The following PRIM2 variants were observed in gnomAD, a reference collection of about 807,000 sequenced individuals.
PRIM2 encodes DNA primase large subunit.
Under a neutral mutation model 67.3 loss-of-function variants are expected in PRIM2, and 39 were observed. The ratio of observed to expected loss-of-function variants is 0.58; its 90% confidence interval spans 0.45 to 0.76. The LOEUF (loss-of-function observed/expected upper bound fraction) is 0.76. Among genes scored for constraint, PRIM2 ranks in the 30% least tolerant of loss-of-function variants. The pLI is 0.00. For missense variants in PRIM2, 398 were observed against 598.7 expected (o/e 0.66, Z 3.50); for synonymous variants, 143 against 198.7 (o/e 0.72, Z 2.36).
intron 7 of PRIM2, among the ~76,000 whole-genome samples, chr6:57,504,909 A>G (rs1467792429): frequency 6.6e-6 from 1 of 152,228 alleles, no homozygotes; most frequent in Non-Finnish European, 1.5e-5. Context: ...AAACATAGAC[A>G]TATACTTTCA....
intron 5 of PRIM2, among the ~76,000 whole-genome samples, chr6:57,338,273 A>T (rs1283492759): frequency 6.6e-6 from 1 of 152,196 alleles, no homozygotes; most frequent in Non-Finnish European, 1.5e-5. Context: ...GAATTCTACC[A>T]GAGGTACAAG....
the PRIM2 span, among the ~76,000 whole-genome samples, chr6:57,253,719 C>G: frequency 6.6e-6 from 1 of 152,146 alleles, no homozygotes; most frequent in Non-Finnish European, 1.5e-5. Flanking sequence ...ATTCTCTGGT[C>G]TCTAGTTTCT....
intron 13 of PRIM2, among the ~76,000 whole-genome samples, chr6:57,636,196 G>A (rs1777118546): frequency 2.0e-5 from 3 of 151,914 alleles, no homozygotes; most frequent in South Asian, 2.1e-4. Flanking sequence ...AAGAAAACAG[G>A]CAAGGAAAGA....
In PRIM2 at chr6:57,382,156, C is replaced by T; in HGVS notation, c.681C>T (p.Ser227=). The T allele has an allele frequency of 1.2e-6, 2 of 1,612,920 alleles. No individual in the cohort carries two copies. The highest frequency in any genetic ancestry group is 1.7e-6 in the Non-Finnish European group (2 of 1,179,282). ...IILNEFRAKL[S]KALALTARSL... ...TGAATGAATTTAGAGCCAAACTGTC[C>T]AAGGCTTTGGCAGTGAGTATTTTAC... Residue 227 remains serine, a synonymous_variant, in exon 7 of 14, where the codon TCC becomes TCT. Transcript: ENST00000615550.
Position 57,623,373 on chromosome 6 carries a change from G to A in PRIM2, c.1231-8760G>A, listed in dbSNP as rs1466770388. On this transcript the variant is annotated intron_variant, in intron 12 of 13. Coordinates refer to ENST00000615550, the MANE Select transcript of PRIM2 (RefSeq NM_000947.5). ...GGTTCAAAGAAAAATCACTTTGAAA[G>A]TCAAGTAACATATGTTATTGTTAGC... is the stretch of plus-strand genomic sequence containing the variant. Among the ~76,000 whole-genome samples the A allele has an allele frequency of 2.6e-5, 4 of 152,234 alleles. No homozygotes were observed. In the East Asian group the frequency reaches 7.7e-4, roughly 29 times the overall value.
intron 10 of PRIM2, among the ~76,000 whole-genome samples, chr6:57,563,623 A>ACT (rs1267854037): frequency 6.6e-6 from 1 of 152,152 alleles, no homozygotes; most frequent in East Asian, 1.9e-4. Context: ...ACTTTATCTG[A>ACT]CTTGTATATG....
chr6:57,634,501 C>T (rs1329691395), intron 13 of PRIM2, among the ~76,000 whole-genome samples: 26 of 152,264 alleles, frequency 1.7e-4, no homozygotes, highest in African/African-American at 5.8e-4. Flanking sequence ...TTATATGACT[C>T]GCTCTCTCGG....
At chr6:57,256,938 C>T in the PRIM2 span, among the ~76,000 whole-genome samples, 1 of 152,190 alleles carries the variant, frequency 6.6e-6, no homozygotes, top group Non-Finnish European at 1.5e-5. Context: ...TTAGCCACAA[C>T]CCTTTAGTTT....
At chr6:57,464,609 T>C (rs1416835226) in intron 7 of PRIM2, among the ~76,000 whole-genome samples, 3 of 152,152 alleles carry the variant, frequency 2.0e-5, no homozygotes, top group Non-Finnish European at 4.4e-5. Flanking sequence ...ACTCAGTGAC[T>C]GGAACCTAAT....
intron 7 of PRIM2, among the ~76,000 whole-genome samples, chr6:57,452,925 C>G (rs1280478728): frequency 1.3e-5 from 2 of 152,140 alleles, no homozygotes; most frequent in African/African-American, 4.8e-5. Flanking sequence ...TTAGGTCTAA[C>G]ATTTAAGTCT....
chr6:57,493,764 A>C (rs1219119684), intron 7 of PRIM2: 1 of 152,198 alleles, frequency 6.6e-6, no homozygotes. Flanking sequence ...GGCTGCTTCA[A>C]AATAATACTA....
intron 8 of PRIM2, among the ~76,000 whole-genome samples, chr6:57,532,100 T>A (rs1774904126): frequency 6.6e-6 from 1 of 152,210 alleles, no homozygotes; most frequent in South Asian, 2.1e-4. Context: ...GTCGTGCTGT[T>A]AATAAAGGAT....
chr6:57,511,555 G>A (rs1774369022), intron 8 of PRIM2, among the ~76,000 whole-genome samples: 2 of 152,140 alleles, frequency 1.3e-5, no homozygotes, highest in Non-Finnish European at 2.9e-5. Context: ...AAGTAATTGG[G>A]CCATAACTTA....
chr6:57,360,038 G>C (rs1054947685), intron 5 of PRIM2, among the ~76,000 whole-genome samples: 3 of 152,172 alleles, frequency 2.0e-5, no homozygotes, highest in African/African-American at 7.2e-5. Context: ...TAATGAGGTT[G>C]ATGTTTTTAT....
At chr6:57,390,934 T>A (rs1222097798) in intron 7 of PRIM2, among the ~76,000 whole-genome samples, 7 of 152,336 alleles carry the variant, frequency 4.6e-5, no homozygotes, top group Non-Finnish European at 1.0e-4. Context: ...ATGATAGTTC[T>A]GCTTTTAGCT....
At chr6:57,435,517 T>A (rs1352650069) in intron 7 of PRIM2, among the ~76,000 whole-genome samples, 1 of 152,162 alleles carries the variant, frequency 6.6e-6, no homozygotes, top group Non-Finnish European at 1.5e-5. Flanking sequence ...GAGAAACAAA[T>A]ACTTAAAAGA....
chr6:57,227,655 A>T, the PRIM2 span, among the ~76,000 whole-genome samples: 1 of 151,936 alleles, frequency 6.6e-6, no homozygotes, highest in Non-Finnish European at 1.5e-5. Flanking sequence ...AAAAAAAAAA[A>T]AAAAAAAGAA....
At chr6:57,439,991 ATTTG>A (rs1772151596) in intron 7 of PRIM2, among the ~76,000 whole-genome samples, 3 of 151,904 alleles carry the variant, frequency 2.0e-5, no homozygotes, top group African/African-American at 7.3e-5. Context: ...ATAAATAAAT[ATTTG>A]TTCGCGTTTT....
At chr6:57,544,341 C>T (rs1314821607) in intron 10 of PRIM2, among the ~76,000 whole-genome samples, 6 of 151,722 alleles carry the variant, frequency 4.0e-5, no homozygotes, top group Non-Finnish European at 5.9e-5. Context: ...AGGGGTTTGG[C>T]GTGTTTCTGG....
Sources: gnomAD v4.1 joint callset for allele counts (sites outside exome capture counted in the v4.1 genomes callset) on GRCh38, gnomAD v4.1.1 for gene constraint, MANE v1.5 for transcripts, NCBI Gene and HGNC (gene_info 2026-07-23, HGNC 2026-07-21) for gene names.